SGCZ: variants seen among roughly 807,000 people sequenced by gnomAD.
The protein encoded by SGCZ is sarcoglycan zeta, also known as zeta-sarcoglycan.
SGCZ carries 40 observed loss-of-function variants against 41.3 expected under a neutral mutation model. The observed-to-expected ratio is 0.97, with a 90% CI of 0.75 to 1.26. SGCZ has a LOEUF of 1.26. SGCZ is among the 50% of genes most tolerant of loss of function. SGCZ has a pLI of 0.00. For synonymous variants in SGCZ, 206 were observed against 137.5 expected, an observed-to-expected ratio of 1.50 and a Z score of -3.49; for missense variants, 552 against 369.8, an observed-to-expected ratio of 1.49 and a Z score of -4.04.
intron 2 of SGCZ, among the ~76,000 whole-genome samples, chr8:14,400,153 A>G (rs2117243140): frequency 6.6e-6 from 1 of 152,184 alleles, no homozygotes; most frequent in African/African-American, 2.4e-5. Flanking sequence ...TCACTTGGCT[A>G]TTGTTTCCAG....
intron 1 of SGCZ, among the ~76,000 whole-genome samples, chr8:15,052,127 AG>A (rs1563469607): frequency 6.6e-6 from 1 of 152,210 alleles, no homozygotes. Context: ...GAGTCTATCA[AG>A]ATTTCATCAA....
chr8:14,157,336 CTGTGTG>C (rs71209015), intron 5 of SGCZ, among the ~76,000 whole-genome samples: 9,534 of 138,778 alleles, frequency 0.069, 438 homozygotes, highest in Non-Finnish European at 0.098. Flanking sequence ...ATATATGCCT[CTGTGTG>C]TGTGTGTGTG....
chr8:14,956,718 A>G (rs1159319981), intron 1 of SGCZ, among the ~76,000 whole-genome samples: 1 of 152,188 alleles, frequency 6.6e-6, no homozygotes, highest in Non-Finnish European at 1.5e-5. Context: ...CTAAATTCAC[A>G]TTTCCTTGAT....
At chr8:15,199,762 G>T (rs1440869630) in intron 1 of SGCZ, among the ~76,000 whole-genome samples, 1 of 152,092 alleles carries the variant, frequency 6.6e-6, no homozygotes, top group Non-Finnish European at 1.5e-5. Context: ...ATTAGTTTCA[G>T]AAAAATAAGC....
intron 2 of SGCZ, among the ~76,000 whole-genome samples, chr8:14,354,205 GT>G (rs1803208031): frequency 6.6e-6 from 1 of 151,818 alleles, no homozygotes; most frequent in African/African-American, 2.4e-5. Flanking sequence ...TGTAATTTTA[GT>G]GCCTCACACA....
intron 1 of SGCZ, among the ~76,000 whole-genome samples, chr8:14,978,330 G>A (rs1161695442): frequency 3.0e-5 from 4 of 135,262 alleles, no homozygotes; most frequent in South Asian, 2.2e-4. Flanking sequence ...TTAGTTGGGC[G>A]TGGTGCCATG....
intron 1 of SGCZ, among the ~76,000 whole-genome samples, chr8:15,070,126 A>C (rs1266267868): frequency 6.6e-6 from 1 of 152,204 alleles, no homozygotes; most frequent in African/African-American, 2.4e-5. Flanking sequence ...CTAACTAGCC[A>C]ATGAAAGATA....
chr8:14,823,808 CA>C (rs1003832082), intron 1 of SGCZ, among the ~76,000 whole-genome samples: 1 of 152,042 alleles, frequency 6.6e-6, no homozygotes, highest in Non-Finnish European at 1.5e-5. Context: ...TCACCATAGA[CA>C]AGACGGATAA....
intron 4 of SGCZ, 144 bp from the exon 5 acceptor site, chr8:14,164,846 A>C: frequency 2.8e-6 from 3 of 1,081,684 alleles, no homozygotes; most frequent in Non-Finnish European, 3.9e-6. Flanking sequence ...AGTATCTTTA[A>C]ATTGTCACCA....
chr8:14,786,358 G>A (rs1428995530), intron 1 of SGCZ, among the ~76,000 whole-genome samples: 1 of 152,002 alleles, frequency 6.6e-6, no homozygotes, highest in South Asian at 2.1e-4. Flanking sequence ...AGTATGTCCT[G>A]TATAATGAGC....
chr8:14,517,332 T>C (rs1220650553), intron 2 of SGCZ, among the ~76,000 whole-genome samples: 1 of 152,210 alleles, frequency 6.6e-6, no homozygotes, highest in East Asian at 1.9e-4. Flanking sequence ...AGCTACATGA[T>C]CTCTTTCATT....
intron 5 of SGCZ, among the ~76,000 whole-genome samples, chr8:14,116,174 A>C (rs1187160786): frequency 1.3e-5 from 2 of 152,110 alleles, no homozygotes; most frequent in Non-Finnish European, 2.9e-5. Flanking sequence ...GATTTATCTG[A>C]AACTTCTACA....
intron 5 of SGCZ, among the ~76,000 whole-genome samples, chr8:14,117,511 C>T (rs1802562039): frequency 6.6e-6 from 1 of 150,772 alleles, no homozygotes; most frequent in African/African-American, 2.4e-5. Flanking sequence ...TGTACTGACA[C>T]ATTTACAAAA....
At chr8:14,304,865 G>T (rs1440097097) in intron 3 of SGCZ, among the ~76,000 whole-genome samples, 2 of 152,052 alleles carry the variant, frequency 1.3e-5, no homozygotes, top group East Asian at 3.9e-4. Flanking sequence ...GATATAATTT[G>T]GTTACATTAC....
At chr8:15,121,368 T>G (rs1807470639) in intron 1 of SGCZ, among the ~76,000 whole-genome samples, 1 of 152,190 alleles carries the variant, frequency 6.6e-6, no homozygotes, top group Non-Finnish European at 1.5e-5. Context: ...AGGTACACGA[T>G]TCTTAAAATA....
intron 1 of SGCZ, among the ~76,000 whole-genome samples, chr8:14,847,122 G>GAA (rs1227443311): frequency 9.7e-6 from 1 of 102,940 alleles, no homozygotes; most frequent in African/African-American, 3.4e-5. Flanking sequence ...AGAAGAAGAA[G>GAA]AAGAAAGAAG....
At chr8:14,348,105 C>A (rs1802954283) in intron 2 of SGCZ, among the ~76,000 whole-genome samples, 1 of 152,036 alleles carries the variant, frequency 6.6e-6, no homozygotes, top group African/African-American at 2.4e-5. Context: ...AGGATTACTT[C>A]AAGGTGGTTC....
intron 1 of SGCZ, among the ~76,000 whole-genome samples, chr8:14,727,184 A>G (rs1391372115): frequency 6.6e-6 from 1 of 152,188 alleles, no homozygotes; most frequent in Non-Finnish European, 1.5e-5. Flanking sequence ...ACACTTCACC[A>G]AAGAAGACAT....
chr8:15,188,687 T>A (rs1800428647), intron 1 of SGCZ, among the ~76,000 whole-genome samples: 1 of 152,168 alleles, frequency 6.6e-6, no homozygotes, highest in African/African-American at 2.4e-5. Context: ...AATTACTGTT[T>A]TAAAGTTTTT....
Sources: allele counts gnomAD v4.1 joint callset (sites outside exome capture counted in the v4.1 genomes callset), GRCh38; gene constraint gnomAD v4.1.1; transcripts MANE v1.5; gene names NCBI Gene and HGNC (gene_info 2026-07-23, HGNC 2026-07-21).